The following RANBP2 variants were observed in gnomAD, a reference collection of about 807,000 sequenced individuals.
The protein encoded by RANBP2 is E3 SUMO-protein ligase RanBP2.
In RANBP2, 57 loss-of-function variants were observed where a neutral mutation model predicts 303.6. The observed-to-expected ratio is 0.19, with a 90% CI of 0.15 to 0.23. The LOEUF (loss-of-function observed/expected upper bound fraction) is 0.23, where lower values mean the gene tolerates loss of function less well. Ranked by LOEUF, RANBP2 falls within the 10% of genes least tolerant of loss-of-function variation. The pLI is 1.00. For synonymous variants in RANBP2, 1,167 were observed against 1,301.5 expected (o/e 0.90, Z 2.23); for missense variants, 3,138 against 3,780.8 (o/e 0.83, Z 4.46).
At chr2:108,868,130 G>A in the RANBP2 span, among the ~76,000 whole-genome samples, 4 of 152,096 alleles carry the variant, frequency 2.6e-5, no homozygotes, top group Non-Finnish European at 4.4e-5. Flanking sequence ...ATGTATAACC[G>A]CTATAGGAAA....
chr2:109,036,107 T>C, the RANBP2 span, among the ~76,000 whole-genome samples: 223 of 152,310 alleles, frequency 1.5e-3, 9 homozygotes, highest in South Asian at 0.032. Flanking sequence ...AGAGAACTTA[T>C]TGCCAACCTA....
chr2:109,249,851 A>C, the RANBP2 span, among the ~76,000 whole-genome samples: 5,813 of 150,960 alleles, frequency 0.039, 364 homozygotes, highest in African/African-American at 0.13. Context: ...TTATTTTTTA[A>C]TTTTTTTATT....
chr2:109,547,614 A>T, the RANBP2 span, among the ~76,000 whole-genome samples: 2 of 152,150 alleles, frequency 1.3e-5, no homozygotes, highest in Admixed American at 1.3e-4. Flanking sequence ...ATTTTGGGGC[A>T]GGCCTTTTAA....
At chr2:109,262,952 C>A in the RANBP2 span, among the ~76,000 whole-genome samples, 13 of 152,148 alleles carry the variant, frequency 8.5e-5, no homozygotes, top group Non-Finnish European at 1.3e-4. Flanking sequence ...TCTGTCTCAG[C>A]CTCCCACGTA....
the RANBP2 span, among the ~76,000 whole-genome samples, chr2:109,284,870 T>C: frequency 6.6e-6 from 1 of 152,222 alleles, no homozygotes; most frequent in African/African-American, 2.4e-5. Context: ...GTTGATGCTC[T>C]TGAACGTGCT....
At chr2:108,792,100 A>G in the RANBP2 span, among the ~76,000 whole-genome samples, 1 of 152,198 alleles carries the variant, frequency 6.6e-6, no homozygotes, top group Non-Finnish European at 1.5e-5. Context: ...AATACTCCAG[A>G]TTATTTGAAG....
the RANBP2 span, among the ~76,000 whole-genome samples, chr2:109,297,908 A>G: frequency 8.6e-5 from 13 of 151,232 alleles, no homozygotes; most frequent in Middle Eastern, 3.5e-3. Context: ...AACCATGTCA[A>G]TGCTCCCCAC....
chr2:109,027,242 CAAAAAA>C, the RANBP2 span, among the ~76,000 whole-genome samples: 4 of 81,504 alleles, frequency 4.9e-5, no homozygotes, highest in African/African-American at 1.5e-4. Context: ...GGCTCTGTCT[CAAAAAA>C]AAAAAAAAAA....
chr2:109,559,808 T>A, the RANBP2 span, among the ~76,000 whole-genome samples: 1 of 151,976 alleles, frequency 6.6e-6, no homozygotes, highest in African/African-American at 2.4e-5. Flanking sequence ...TGGTTTCAGT[T>A]CATTCATTCC....
the RANBP2 span, among the ~76,000 whole-genome samples, chr2:109,406,039 G>C: frequency 1.1e-4 from 16 of 152,330 alleles, no homozygotes; most frequent in African/African-American, 3.6e-4. Flanking sequence ...ACACAGCTGC[G>C]GGGCTCTGGC....
the RANBP2 span, among the ~76,000 whole-genome samples, chr2:109,399,819 G>GCAGC: frequency 1.3e-5 from 2 of 152,218 alleles, no homozygotes; most frequent in Non-Finnish European, 2.9e-5. Context: ...GGGTGACCCT[G>GCAGC]CAGCCACACT....
chr2:109,320,064 T>C, the RANBP2 span, among the ~76,000 whole-genome samples: 2 of 152,188 alleles, frequency 1.3e-5, no homozygotes, highest in Admixed American at 6.5e-5. Context: ...TCCTCGAAGC[T>C]GGGGGTGGCC....
chr2:109,690,282 T>C, the RANBP2 span, among the ~76,000 whole-genome samples: 1 of 152,180 alleles, frequency 6.6e-6, no homozygotes, highest in Non-Finnish European at 1.5e-5. Context: ...TGGTTCGGTC[T>C]GGAAAAGCGG....
the RANBP2 span, among the ~76,000 whole-genome samples, chr2:109,411,795 A>G: frequency 1.3e-5 from 2 of 152,338 alleles, no homozygotes; most frequent in East Asian, 3.9e-4. Flanking sequence ...GGGAAAAAGC[A>G]TTTCCACACA....
the RANBP2 span, among the ~76,000 whole-genome samples, chr2:109,556,527 C>T: frequency 6.6e-6 from 1 of 152,120 alleles, no homozygotes; most frequent in African/African-American, 2.4e-5. Flanking sequence ...AGGAACAGAT[C>T]CTAAACACTT....
the RANBP2 span, among the ~76,000 whole-genome samples, chr2:109,132,794 A>C: frequency 2.0e-5 from 3 of 152,250 alleles, no homozygotes; most frequent in Non-Finnish European, 2.9e-5. Flanking sequence ...ATTTTGCAAG[A>C]AAATCCCTTT....
the RANBP2 span, among the ~76,000 whole-genome samples, chr2:108,944,611 C>T: frequency 1.3e-5 from 2 of 151,998 alleles, no homozygotes; most frequent in Non-Finnish European, 2.9e-5. Context: ...GCAGACCTTA[C>T]GAAGCCCTGC....
chr2:109,131,250 GT>G, the RANBP2 span, among the ~76,000 whole-genome samples: 4 of 151,114 alleles, frequency 2.6e-5, no homozygotes, highest in South Asian at 2.1e-4. Flanking sequence ...GCTGCAATGG[GT>G]TTTTTTTTCT....
the RANBP2 span, among the ~76,000 whole-genome samples, chr2:109,138,287 A>G: frequency 6.6e-6 from 1 of 152,188 alleles, no homozygotes; most frequent in South Asian, 2.1e-4. Flanking sequence ...TTGGCCTCCC[A>G]AAGTGCTGGG....
Sources: allele counts gnomAD v4.1 joint callset (sites outside exome capture counted in the v4.1 genomes callset), GRCh38; gene constraint gnomAD v4.1.1; transcripts MANE v1.5; gene names NCBI Gene and HGNC (gene_info 2026-07-23, HGNC 2026-07-21).